The following MAGI1 variants were observed in gnomAD, a reference collection of about 807,000 sequenced individuals.
The protein encoded by MAGI1 is membrane associated guanylate kinase, WW and PDZ domain containing 1, also known as membrane-associated guanylate kinase, WW and PDZ domain-containing protein 1.
In MAGI1, 58 loss-of-function variants were observed where a neutral mutation model predicts 139.9. That is an observed-to-expected ratio of 0.41 (90% confidence interval 0.34 to 0.52). The LOEUF is 0.52. Ranked by LOEUF, MAGI1 falls within the 20% of genes least tolerant of loss-of-function variation. MAGI1 has a pLI of 0.12. For synonymous variants in MAGI1, 812 were observed against 737.9 expected (o/e 1.10, Z -1.63); for missense variants, 1,874 against 1,901.6 (o/e 0.99, Z 0.27).
chr3:65,484,157 C>T (rs1030899158), intron 3 of MAGI1, among the ~76,000 whole-genome samples: 1 of 152,144 alleles, frequency 6.6e-6, no homozygotes, highest in Non-Finnish European at 1.5e-5. Context: ...AAGTAATGAT[C>T]AGGGTGGGCC....
chr3:65,707,351 C>T (rs745419691), intron 1 of MAGI1, among the ~76,000 whole-genome samples: 14 of 152,162 alleles, frequency 9.2e-5, no homozygotes, highest in Non-Finnish European at 1.8e-4. Context: ...GTGGCTCACA[C>T]CTGTAATCCC....
chr3:65,686,506 T>A (rs1308902123), intron 1 of MAGI1, among the ~76,000 whole-genome samples: 2 of 152,178 alleles, frequency 1.3e-5, no homozygotes, highest in Non-Finnish European at 2.9e-5. Flanking sequence ...TTAGCCAGGA[T>A]GGTCTCGATC....
chr3:65,384,122 G>A (rs1372649170), intron 14 of MAGI1, among the ~76,000 whole-genome samples: 1 of 152,142 alleles, frequency 6.6e-6, no homozygotes, highest in East Asian at 1.9e-4. Context: ...CAGACTTTCT[G>A]ATTTATCTTT....
At chr3:65,783,392 T>C (rs1403855275) in intron 1 of MAGI1, among the ~76,000 whole-genome samples, 2 of 152,096 alleles carry the variant, frequency 1.3e-5, no homozygotes, top group Non-Finnish European at 2.9e-5. Flanking sequence ...CTCACGCCTG[T>C]AATCCGAACA....
intron 2 of MAGI1, among the ~76,000 whole-genome samples, chr3:65,539,523 A>C (rs1312105318): frequency 6.6e-6 from 1 of 152,204 alleles, no homozygotes; most frequent in East Asian, 1.9e-4. Flanking sequence ...AAGAACAAAC[A>C]AAAAAGATGC....
At chr3:65,656,602 G>C (rs2085888736) in intron 1 of MAGI1, among the ~76,000 whole-genome samples, 1 of 152,092 alleles carries the variant, frequency 6.6e-6, no homozygotes, top group African/African-American at 2.4e-5. Flanking sequence ...ACTCCGAGTG[G>C]GGGTGGGAGG....
At chr3:65,499,074 CA>C (rs2076984258) in intron 2 of MAGI1, 1 of 588,974 alleles carries the variant, frequency 1.7e-6, no homozygotes, top group Non-Finnish European at 2.1e-6. Flanking sequence ...AAAAAAAAAA[CA>C]AAAAACTCTC....
intron 1 of MAGI1, among the ~76,000 whole-genome samples, chr3:65,780,814 C>T (rs796897495): frequency 1.1e-4 from 16 of 152,214 alleles, no homozygotes; most frequent in African/African-American, 3.9e-4. Flanking sequence ...GAATCTAGCC[C>T]ACATGGGGCA....
chr3:65,384,327 C>T (rs1313155304), intron 14 of MAGI1, among the ~76,000 whole-genome samples: 4 of 152,184 alleles, frequency 2.6e-5, no homozygotes, highest in Non-Finnish European at 5.9e-5. Context: ...ATGGTTTTAG[C>T]TGTGATGAAT....
At chr3:65,787,499 G>A (rs1398072202) in intron 1 of MAGI1, among the ~76,000 whole-genome samples, 1 of 150,588 alleles carries the variant, frequency 6.6e-6, no homozygotes, top group East Asian at 1.9e-4. Context: ...GAGTGACAAG[G>A]GAACTAACTC....
intron 1 of MAGI1, among the ~76,000 whole-genome samples, chr3:65,643,726 AC>A (rs1262927656): frequency 2.0e-5 from 3 of 152,170 alleles, no homozygotes; most frequent in African/African-American, 7.2e-5. Flanking sequence ...AAGGAGGGAA[AC>A]TGGCAATAAG....
chr3:65,918,379 A>ATT (rs34906725), intron 1 of MAGI1, among the ~76,000 whole-genome samples: 24,595 of 128,556 alleles, frequency 0.19, 3,009 homozygotes, highest in Admixed American at 0.23. Context: ...GCTCCAAAAC[A>ATT]TTTTTTTTTT....
At chr3:65,690,302 C>G (rs1178934330) in intron 1 of MAGI1, among the ~76,000 whole-genome samples, 1 of 152,136 alleles carries the variant, frequency 6.6e-6, no homozygotes, top group Middle Eastern at 3.2e-3. Flanking sequence ...GTGACACACT[C>G]TTTTAGCTTA....
At chr3:65,359,019 T>C (rs1454584509) in intron 22 of MAGI1, 1 of 1,540,750 alleles carries the variant, frequency 6.5e-7, no homozygotes, top group Non-Finnish European at 9.0e-7. Context: ...AATGAGGAAA[T>C]TAGGCCACAG....
intron 1 of MAGI1, among the ~76,000 whole-genome samples, chr3:65,946,100 A>G (rs1421783660): frequency 6.6e-5 from 10 of 152,228 alleles, no homozygotes; most frequent in African/African-American, 2.4e-4. Flanking sequence ...GGGTCCGCCT[A>G]CAGCATGGAC....
intron 2 of MAGI1, among the ~76,000 whole-genome samples, chr3:65,537,470 C>T (rs1260147545): frequency 2.0e-5 from 3 of 152,110 alleles, no homozygotes; most frequent in African/African-American, 4.8e-5. Flanking sequence ...ATGTGTTTCT[C>T]CCCAAACTGT....
intron 13 of MAGI1, among the ~76,000 whole-genome samples, chr3:65,394,123 A>G (rs1172728152): frequency 6.6e-6 from 1 of 152,176 alleles, no homozygotes; most frequent in African/African-American, 2.4e-5. Context: ...CCAGTATAAG[A>G]AATCCCTGAC....
At chr3:65,907,151 A>C (rs981225724) in intron 1 of MAGI1, among the ~76,000 whole-genome samples, 2 of 152,154 alleles carry the variant, frequency 1.3e-5, no homozygotes, top group African/African-American at 4.8e-5. Flanking sequence ...CTACTGCCTA[A>C]GGAGAGCCCT....
At chr3:65,881,366 C>A (rs1385641290) in intron 1 of MAGI1, among the ~76,000 whole-genome samples, 2 of 146,494 alleles carry the variant, frequency 1.4e-5, no homozygotes, top group African/African-American at 4.9e-5. Flanking sequence ...GTGGCTCACA[C>A]CTGTAATCCC....
Sources: gnomAD v4.1 joint callset for allele counts (sites outside exome capture counted in the v4.1 genomes callset) on GRCh38, gnomAD v4.1.1 for gene constraint, MANE v1.5 for transcripts, NCBI Gene and HGNC (gene_info 2026-07-23, HGNC 2026-07-21) for gene names.